Variants in CCDC88C observed in about 807,000 individuals in gnomAD.
CCDC88C encodes the protein coiled-coil and HOOK domain protein 88C, also known as protein Daple.
In CCDC88C, 131 loss-of-function variants were observed where a neutral mutation model predicts 198.8. That is an observed-to-expected ratio of 0.66 (90% CI 0.57 to 0.76). The LOEUF (loss-of-function observed/expected upper bound fraction) is 0.76, where lower values mean the gene tolerates loss of function less well. Among genes scored for constraint, CCDC88C ranks in the 30% least tolerant of loss-of-function variants. The probability of loss-of-function intolerance (pLI) is 0.00; values close to 1 mark genes in which losing one functional copy is unlikely to be tolerated. For missense variants in CCDC88C, 2,553 were observed against 2,631.6 expected (o/e 0.97, Z 0.65); for synonymous variants, 1,166 against 1,114.7 (o/e 1.05, Z -0.92).
At chr14:91,316,162 A>C (rs1240944656) in intron 13 of CCDC88C, among the ~76,000 whole-genome samples, 1 of 151,784 alleles carries the variant, frequency 6.6e-6, no homozygotes. Context: ...CCTCTGTTAT[A>C]TCTCTTCCTC....
At chr14:91,390,476 C>T (rs1342053687) in intron 3 of CCDC88C, among the ~76,000 whole-genome samples, 1 of 152,212 alleles carries the variant, frequency 6.6e-6, no homozygotes, top group Non-Finnish European at 1.5e-5. Context: ...CGCTCCTGTT[C>T]ATTAAAGCCT....
chr14:91,408,903 T>A (rs1886652924), intron 2 of CCDC88C, 136 bp from the exon 3 acceptor site: 2 of 650,912 alleles, frequency 3.1e-6, no homozygotes, highest in Non-Finnish European at 5.7e-6. Flanking sequence ...GTGGTTCAAG[T>A]CAAATCCCAA....
At chr14:91,408,575 C>T in intron 3 of CCDC88C, 84 bp downstream of exon 3, 1 of 859,944 alleles carries the variant, frequency 1.2e-6, no homozygotes, top group Non-Finnish European at 2.0e-6. Flanking sequence ...GCACCGTTTC[C>T]TCCCGGCCTC....
At chr14:91,330,967 G>A (rs969186007) in intron 10 of CCDC88C, among the ~76,000 whole-genome samples, 89 of 152,228 alleles carry the variant, frequency 5.8e-4, no homozygotes, top group Non-Finnish European at 8.8e-4. Flanking sequence ...GTGGGCCTGC[G>A]ATGGGAGAGT....
chr14:91,384,632 G>A (rs766841411), intron 3 of CCDC88C: 4 of 390,424 alleles, frequency 1.0e-5, no homozygotes, highest in African/African-American at 2.1e-5. Flanking sequence ...CACTGGCACC[G>A]GGAGGAAAGG....
At chr14:91,375,834 C>T (rs746662030) in intron 3 of CCDC88C, among the ~76,000 whole-genome samples, 1 of 152,242 alleles carries the variant, frequency 6.6e-6, no homozygotes, top group South Asian at 2.1e-4. Context: ...TCCTTCTGAT[C>T]TGACCCTTTC....
rs900300513 is a variant in CCDC88C, at chr14:91,339,568, C to T, written c.625-106G>A. The T allele has an allele frequency of 1.5e-5, 17 of 1,132,490 alleles. No individual in the cohort carries two copies. The highest frequency in any genetic ancestry group is 2.1e-4 in the Middle Eastern group (1 of 4,838). The allele number at this position is 1,132,490 out of a possible 1,614,324, so 70.2% of individuals were successfully genotyped here. A position where few individuals can be genotyped will look rare whatever the true frequency, so the allele number is the denominator to read the frequency against. ...AACCGCCAAAAGACAGATATTTCAG[C>T]GGAGACTAAGAAACGAGGAGGAAGG... On this transcript the variant is annotated intron_variant, in intron 7 of 29. Transcript: ENST00000389857. The surrounding 1 kb of genome is among the most constrained non-coding windows in gnomAD (Gnocchi z 5.8).
At chr14:91,412,847 C>T (rs1596176931) in intron 2 of CCDC88C, among the ~76,000 whole-genome samples, 1 of 152,080 alleles carries the variant, frequency 6.6e-6, no homozygotes, top group East Asian at 1.9e-4. Context: ...GATTTTTGCG[C>T]CAATACAAAT....
rs1485159048 is a variant in CCDC88C, at chr14:91,273,359, C to A, written c.5353G>T (p.Ala1785Ser). The change falls in exon 30 of 30, where the codon GCT becomes TCT. Residue 1785 changes from alanine (A) to serine (S), a missense_variant. Coordinates refer to ENST00000389857, the MANE Select transcript of CCDC88C (RefSeq NM_001080414.4). The surrounding 1 kb of genome is among the most constrained non-coding windows in gnomAD (Gnocchi z 5.6). ...GCATGGGAAGCTGGGGGCACCGGAGCCTGCCGGGGTCTGCCCAGAGACAGG... is the reference window on the plus strand; with the variant it reads ...GCATGGGAAGCTGGGGGCACCGGAGACTGCCGGGGTCTGCCCAGAGACAGG... ...QSLSLGRPRQ[A>S]PVPPASHAPA... The A allele has an allele frequency of 6.5e-6, 10 of 1,532,336 alleles. No individual in the cohort carries two copies. The South Asian group carries it at 1.1e-4, about 17-fold the overall frequency. 94.9% of individuals were successfully genotyped at this position (1,532,336 alleles called of 1,614,324 possible).
At chr14:91,322,622 T>TGGG (rs535248401) in intron 12 of CCDC88C, among the ~76,000 whole-genome samples, 3 of 152,196 alleles carry the variant, frequency 2.0e-5, no homozygotes, top group African/African-American at 7.2e-5. Context: ...GCAGAATTCA[T>TGGG]GGGGGTGAAC....
intron 29 of CCDC88C, 59 bp downstream of exon 29, chr14:91,277,863 A>G: frequency 6.9e-7 from 1 of 1,441,824 alleles, no homozygotes; most frequent in Non-Finnish European, 9.2e-7. Flanking sequence ...TATGATCTTG[A>G]GCCAGGAAGA....
chr14:91,317,913 T>C (rs1301814170), intron 13 of CCDC88C, among the ~76,000 whole-genome samples: 1 of 152,190 alleles, frequency 6.6e-6, no homozygotes, highest in Non-Finnish European at 1.5e-5. Flanking sequence ...GGCAGAGAGA[T>C]GCCTGGGCAC....
chr14:91,297,277 C>T (rs566890057), intron 22 of CCDC88C, 28 bp downstream of exon 22: 3 of 1,604,238 alleles, frequency 1.9e-6, no homozygotes, highest in Middle Eastern at 1.7e-4. Context: ...ATCCCTGTCT[C>T]CCGAGGCTCC....
Position 91,334,879 on chromosome 14 carries a change from C to T in CCDC88C, c.1050+3126G>A, listed in dbSNP as rs1160598650. Among the ~76,000 whole-genome samples the T allele has an allele frequency of 2.6e-5, 4 of 152,120 alleles. No homozygotes were observed. The East Asian group carries it at 7.7e-4, about 29-fold the overall frequency. On this transcript the variant is annotated intron_variant, in intron 10 of 29. Coordinates refer to ENST00000389857, the MANE Select transcript of CCDC88C (RefSeq NM_001080414.4). ...GCTCCCATCTCAAAGCAGCTCAGCTCCAGGCCTCTGAGCTGCATTCTAAGT... is the reference window on the plus strand; with the variant it reads ...GCTCCCATCTCAAAGCAGCTCAGCTTCAGGCCTCTGAGCTGCATTCTAAGT...
In CCDC88C at chr14:91,338,991, A is replaced by G. The variant is rs1314580823; in HGVS notation, c.809+287T>C. The G allele has an allele frequency of 5.6e-6, 3 of 540,158 alleles. No homozygotes were observed. Among genetic ancestry groups the G allele is most frequent in the Non-Finnish European group, 6.7e-6 (2 of 296,946 alleles). 33.5% of individuals were successfully genotyped at this position (540,158 alleles called of 1,614,324 possible). ...ATCAGGTGTGGTCGTCCCGGCCCCAAGCTGGAGCTGAGCGTGGACTGGAGG... is the reference window on the plus strand; with the variant it reads ...ATCAGGTGTGGTCGTCCCGGCCCCAGGCTGGAGCTGAGCGTGGACTGGAGG... On this transcript the variant is annotated intron_variant, in intron 8 of 29. Coordinates refer to ENST00000389857, the MANE Select transcript of CCDC88C (RefSeq NM_001080414.4). This position sits in a 1 kb window ranked among gnomAD's most constrained non-coding sequence, Gnocchi z 4.8.
At chr14:91,389,987 G>A (rs984551510) in intron 3 of CCDC88C, among the ~76,000 whole-genome samples, 4 of 151,970 alleles carry the variant, frequency 2.6e-5, no homozygotes, top group African/African-American at 7.3e-5. Context: ...CAGGAGAATG[G>A]CGTGAACCCG....
chr14:91,342,353 G>A (rs1378306506), intron 6 of CCDC88C, 27 bp downstream of exon 6: 1 of 1,465,736 alleles, frequency 6.8e-7, no homozygotes, highest in Non-Finnish European at 9.4e-7. Context: ...GTCCACAGCT[G>A]AGCCCACCAC....
chr14:91,286,614 C>T (rs1890418168), intron 25 of CCDC88C, among the ~76,000 whole-genome samples: 1 of 152,230 alleles, frequency 6.6e-6, no homozygotes, highest in Non-Finnish European at 1.5e-5. Context: ...TCCATTATTT[C>T]TTCCTCCACA....
chr14:91,338,307 C>G lies in CCDC88C; in HGVS notation c.892-144G>C. The G allele has an allele frequency of 1.9e-6, 2 of 1,048,224 alleles. No homozygotes were observed. Among genetic ancestry groups the G allele is most frequent in the Non-Finnish European group, 2.8e-6 (2 of 716,850 alleles). 64.9% of individuals were successfully genotyped at this position (1,048,224 alleles called of 1,614,324 possible). A position where few individuals can be genotyped will look rare whatever the true frequency, so the allele number is the denominator to read the frequency against. ...GGCCGGGGGCCTCCATGTGCCACCA[C>G]CACACGGGATCTCCACCTGCTGTCA... On this transcript the variant is annotated intron_variant, in intron 9 of 29. Transcript: ENST00000389857. The surrounding 1 kb of genome is among the most constrained non-coding windows in gnomAD (Gnocchi z 4.8).
Sources: gnomAD v4.1 joint callset for allele counts (sites outside exome capture counted in the v4.1 genomes callset) on GRCh38, gnomAD v4.1.1 for gene constraint, Gnocchi (gnomAD v3.1) non-coding constraint, MANE v1.5 for transcripts, NCBI Gene and HGNC (gene_info 2026-07-23, HGNC 2026-07-21) for gene names.